The following PCYT1A variants were observed in gnomAD, a reference collection of about 807,000 sequenced individuals.
PCYT1A encodes the protein choline-phosphate cytidylyltransferase A.
A neutral mutation model predicts 43.7 loss-of-function variants in PCYT1A; 25 were observed. The ratio of observed to expected loss-of-function variants is 0.57; its 90% CI spans 0.42 to 0.80. The LOEUF is 0.80. Ranked by LOEUF, PCYT1A falls within the 30% of genes least tolerant of loss-of-function variation. The probability of loss-of-function intolerance (pLI) is 0.00; values close to 1 mark genes in which losing one functional copy is unlikely to be tolerated. For synonymous variants in PCYT1A, 172 were observed against 170.7 expected (o/e 1.01, Z -0.06); for missense variants, 421 against 474.2 (o/e 0.89, Z 1.04).
rs936180769 is a variant in PCYT1A at position 196,273,086 on chromosome 3, G to T, written c.-10-2545C>A. ...CACGCCAGCTGCCAGGGGGTGAGCA[G>T]CTCGAGGCGCCAGCTCCCTGAGAGG... On this transcript the variant is annotated intron_variant, in intron 1 of 8. Coordinates refer to ENST00000431016, the MANE Select transcript of PCYT1A (RefSeq NM_001312673.2). This position sits in a 1 kb window ranked among gnomAD's most constrained non-coding sequence, Gnocchi z 4.1. Among the ~76,000 whole-genome samples, 1 of 152,218 alleles carries T rather than the reference G, an allele frequency of 6.6e-6. No individual in the cohort carries two copies. Among genetic ancestry groups the T allele is most frequent in the Non-Finnish European group, 1.5e-5 (1 of 68,042 alleles).
chr3:196,257,038 CAGA>C (rs1378248963), intron 3 of PCYT1A, among the ~76,000 whole-genome samples: 1 of 151,966 alleles, frequency 6.6e-6, no homozygotes, highest in East Asian at 1.9e-4. Context: ...ACTTAGTAAT[CAGA>C]AGAAGTGAAA....
chr3:196,248,178 G>T, intron 4 of PCYT1A, 29 bp downstream of exon 4: 1 of 1,192,622 alleles, frequency 8.4e-7, no homozygotes, highest in Non-Finnish European at 1.3e-6. Context: ...TTTCTGCACA[G>T]CACCTGAAGT....
rs920379289 is a variant in PCYT1A, at chr3:196,268,850, T to G, written c.117+1565A>C. Among the ~76,000 whole-genome samples, 1 of 152,132 alleles carries G rather than the reference T, an allele frequency of 6.6e-6. No homozygotes were observed. Among genetic ancestry groups the G allele is most frequent in the African/African-American group, 2.4e-5 (1 of 41,432 alleles). On this transcript the variant is annotated intron_variant, in intron 2 of 8. Transcript: ENST00000431016. The surrounding 1 kb of genome is among the most constrained non-coding windows in gnomAD (Gnocchi z 4.4). ...AAATAGTAAAGAGGCTTTGCAGATA[T>G]GATTAAATAAAGGAAGATTATTCTG... is the stretch of plus-strand genomic sequence containing the variant.
At chr3:196,284,844 C>T (rs914208261) in intron 1 of PCYT1A, among the ~76,000 whole-genome samples, 1 of 152,236 alleles carries the variant, frequency 6.6e-6, no homozygotes, top group African/African-American at 2.4e-5. Flanking sequence ...GCCTCTTCCA[C>T]AGTCTGTTAC....
At chr3:196,270,078 G>A (rs1452683123) in intron 2 of PCYT1A, among the ~76,000 whole-genome samples, 1 of 152,078 alleles carries the variant, frequency 6.6e-6, no homozygotes, top group Non-Finnish European at 1.5e-5. Context: ...TCACCAGGCT[G>A]GTCTCAAACT....
chr3:196,256,088 C>T lies in PCYT1A; in HGVS notation c.217+1700G>A, dbSNP rs537512669. Among the ~76,000 whole-genome samples, 9 of 152,326 alleles carry T rather than the reference C, an allele frequency of 5.9e-5. No individual in the cohort carries two copies. In the South Asian group the frequency reaches 1.9e-3, roughly 32 times the overall value. ...AGGTTGTGATCAATATGAACTATAT[C>T]TACACATTTTTTCAAAAGGAAAGGA... is the stretch of plus-strand genomic sequence containing the variant. On this transcript the variant is annotated intron_variant, in intron 3 of 8. Coordinates refer to ENST00000431016, the MANE Select transcript of PCYT1A (RefSeq NM_001312673.2).
At chr3:196,276,127 T>C (rs1725583834) in intron 1 of PCYT1A, among the ~76,000 whole-genome samples, 1 of 148,846 alleles carries the variant, frequency 6.7e-6, no homozygotes, top group Non-Finnish European at 1.5e-5. Flanking sequence ...ACAAAATAAA[T>C]AATAATGCAT....
chr3:196,258,651 C>T (rs1312548777), intron 2 of PCYT1A, among the ~76,000 whole-genome samples: 1 of 151,400 alleles, frequency 6.6e-6, no homozygotes, highest in African/African-American at 2.4e-5. Context: ...GCACTGGCGC[C>T]ATTTCAGCTC....
chr3:196,255,931 T>C (rs1230167481), intron 3 of PCYT1A, among the ~76,000 whole-genome samples: 1 of 152,200 alleles, frequency 6.6e-6, no homozygotes, highest in Non-Finnish European at 1.5e-5. Context: ...TTCTGGCGTT[T>C]TGAAGTTAGA....
Position 196,270,552 on chromosome 3 carries a change from A to G in PCYT1A, c.-10-11T>C. 1 of 1,582,954 alleles carries G rather than the reference A, an allele frequency of 6.3e-7. No homozygotes were observed. Among genetic ancestry groups the G allele is most frequent in the South Asian group, 1.1e-5 (1 of 90,428 alleles). ...TCCATCTTCTTTTAACTGGTCATAG[A>G]AAGTGAAAACAAAAATTTTCTCATT... On this transcript the variant is annotated splice_polypyrimidine_tract_variant and intron_variant, in intron 1 of 8. Coordinates refer to ENST00000431016, the MANE Select transcript of PCYT1A (RefSeq NM_001312673.2).
At chr3:196,257,979 ATCTC>A (rs1724998352) in intron 2 of PCYT1A, 92 bp from the exon 3 acceptor site, 1 of 725,748 alleles carries the variant, frequency 1.4e-6, no homozygotes, top group Non-Finnish European at 2.3e-6. Context: ...AAGGAGATTG[ATCTC>A]TCTATTATAG....
intron 1 of PCYT1A, 71 bp downstream of exon 1, chr3:196,287,544 G>A (rs1161106030): frequency 6.6e-6 from 1 of 152,634 alleles, no homozygotes; most frequent in Non-Finnish European, 1.5e-5. Flanking sequence ...CTCTTCCTCA[G>A]TCACAGTCAC....
At chr3:196,267,668 G>A (rs537293034) in intron 2 of PCYT1A, among the ~76,000 whole-genome samples, 10 of 151,680 alleles carry the variant, frequency 6.6e-5, no homozygotes, top group South Asian at 6.2e-4. Flanking sequence ...AGTGAACTAT[G>A]ATCACACCAC....
In PCYT1A at chr3:196,242,580, TATAA is replaced by T; in HGVS notation, c.543_546del (p.Tyr182SerfsTer67). On this transcript the variant is annotated frameshift_variant, in exon 6 of 9. Transcript: ENST00000431016. LOFTEE classifies it high-confidence loss of function. This position sits in a 1 kb window ranked among gnomAD's most constrained non-coding sequence, Gnocchi z 4.2. ...CACTCACCTGCCTCCTTGATGTGCT[TATAA>T]ACATCATCACTGCCAGCAGATGAAT... 6.2e-7 allele frequency: 1 copy of T among 1,610,964 alleles called. No individual in the cohort carries two copies. The highest frequency in any genetic ancestry group is 8.5e-7 in the Non-Finnish European group (1 of 1,177,084).
intron 1 of PCYT1A, among the ~76,000 whole-genome samples, chr3:196,276,552 G>A (rs999108669): frequency 2.6e-5 from 4 of 151,142 alleles, no homozygotes; most frequent in African/African-American, 4.9e-5. Context: ...GCAGTCAGCC[G>A]AGATCGCACC....
intron 1 of PCYT1A, among the ~76,000 whole-genome samples, chr3:196,285,206 C>T (rs1328876816): frequency 6.6e-6 from 1 of 152,172 alleles, no homozygotes; most frequent in Non-Finnish European, 1.5e-5. Flanking sequence ...CACCTGTAAT[C>T]CCAGCACTTT....
chr3:196,249,128 T>C (rs960542087), intron 3 of PCYT1A, among the ~76,000 whole-genome samples: 2 of 151,946 alleles, frequency 1.3e-5, no homozygotes, highest in African/African-American at 2.4e-5. Flanking sequence ...GGTTGGGTTA[T>C]GAAAAATGAC....
chr3:196,270,671 G>A (rs944062173), intron 1 of PCYT1A, 130 bp from the exon 2 acceptor site: 5 of 738,240 alleles, frequency 6.8e-6, no homozygotes, highest in Admixed American at 1.9e-5. Flanking sequence ...TCACCAAGAT[G>A]AGCCAATGGC....
chr3:196,281,372 C>T (rs767831526), intron 1 of PCYT1A, among the ~76,000 whole-genome samples: 4 of 152,120 alleles, frequency 2.6e-5, no homozygotes, highest in South Asian at 4.1e-4. Context: ...TATGGCTAAG[C>T]GAAAGTAGGG....
Sources: gnomAD v4.1 joint callset for allele counts (sites outside exome capture counted in the v4.1 genomes callset) on GRCh38, gnomAD v4.1.1 for gene constraint, Gnocchi (gnomAD v3.1) non-coding constraint, MANE v1.5 for transcripts, NCBI Gene and HGNC (gene_info 2026-07-23, HGNC 2026-07-21) for gene names.